CALN1: variants seen among roughly 807,000 people sequenced by gnomAD.
CALN1 encodes calcium-binding protein 8.
A neutral mutation model predicts 30.6 loss-of-function variants in CALN1; 17 were observed. The ratio of observed to expected loss-of-function variants is 0.56; its 90% confidence interval spans 0.38 to 0.83. The LOEUF (loss-of-function observed/expected upper bound fraction) is 0.83. Among genes scored for constraint, CALN1 ranks in the 40% least tolerant of loss-of-function variants. The pLI is 0.00. For synonymous variants in CALN1, 156 were observed against 131.4 expected, an observed-to-expected ratio of 1.19 and a Z score of -1.28; for missense variants, 291 against 354.9, an observed-to-expected ratio of 0.82 and a Z score of 1.45.
chr7:71,973,253 G>A (rs1233917845), intron 5 of CALN1, among the ~76,000 whole-genome samples: 1 of 151,838 alleles, frequency 6.6e-6, no homozygotes, highest in Non-Finnish European at 1.5e-5. Context: ...TCGGCTCACT[G>A]CAACCTCTGC....
intron 5 of CALN1, among the ~76,000 whole-genome samples, chr7:71,856,220 T>C (rs546592671): frequency 2.0e-5 from 3 of 151,660 alleles, no homozygotes; most frequent in Non-Finnish European, 4.4e-5. Flanking sequence ...TTTATAAATA[T>C]ACATATACAT....
intron 3 of CALN1, among the ~76,000 whole-genome samples, chr7:72,140,325 A>C (rs2129543405): frequency 8.2e-6 from 1 of 121,658 alleles, no homozygotes; most frequent in Admixed American, 9.0e-5. Context: ...GGAACAGAGA[A>C]AGGGAGAAGG....
At chr7:72,087,943 A>G (rs879290932) in intron 4 of CALN1, among the ~76,000 whole-genome samples, 1 of 152,178 alleles carries the variant, frequency 6.6e-6, no homozygotes, top group Non-Finnish European at 1.5e-5. Context: ...CAGGAGGATC[A>G]CTTGAAACCA....
intron 5 of CALN1, among the ~76,000 whole-genome samples, chr7:71,994,373 A>G (rs1223385928): frequency 6.6e-6 from 1 of 152,000 alleles, no homozygotes; most frequent in East Asian, 1.9e-4. Flanking sequence ...TTAGCTGGGC[A>G]TGGTGGTGGG....
At chr7:72,405,179 C>CA (rs1408154541) in intron 1 of CALN1, among the ~76,000 whole-genome samples, 1 of 152,178 alleles carries the variant, frequency 6.6e-6, no homozygotes, top group East Asian at 1.9e-4. Context: ...GTTGGGATCT[C>CA]AAAGACACCT....
At position 71,809,832 on chromosome 7, in the gene CALN1, CT is replaced by C. The variant is rs963507789; in HGVS notation, c.658+503del. Among the ~76,000 whole-genome samples the C allele has an allele frequency of 4.0e-3, 585 of 145,136 alleles. 4 individuals carry two copies. Among genetic ancestry groups the C allele is most frequent in the African/African-American group, 0.013 (518 of 39,596 alleles). On this transcript the variant is annotated intron_variant, in intron 6 of 6. Transcript: ENST00000395275. ...AGAGGACTCTGTCCCTTTTTTTTTT[CT>C]TTTTTTTGGCCAGTGCATTTGGGAA...
At chr7:71,814,401 G>C (rs992610229) in intron 5 of CALN1, among the ~76,000 whole-genome samples, 1 of 152,184 alleles carries the variant, frequency 6.6e-6, no homozygotes, top group Non-Finnish European at 1.5e-5. Flanking sequence ...TCTAGAGCTT[G>C]AGTCTGGTGT....
chr7:71,836,816 C>T (rs1444767261), intron 5 of CALN1, among the ~76,000 whole-genome samples: 14 of 151,704 alleles, frequency 9.2e-5, no homozygotes. Flanking sequence ...TGGGGTTTCA[C>T]TATGTTGGCC....
At chr7:72,419,972 A>G (rs990697222) in intron 1 of CALN1, among the ~76,000 whole-genome samples, 1 of 152,000 alleles carries the variant, frequency 6.6e-6, no homozygotes, top group Non-Finnish European at 1.5e-5. Flanking sequence ...CCTTTCACAC[A>G]GTTCATGTGA....
intron 6 of CALN1, among the ~76,000 whole-genome samples, chr7:71,801,426 A>ATC: frequency 7.0e-6 from 1 of 143,332 alleles, no homozygotes; most frequent in Non-Finnish European, 1.5e-5. Flanking sequence ...GTATGTATGT[A>ATC]TGTATCTATC....
intron 3 of CALN1, among the ~76,000 whole-genome samples, chr7:72,277,589 T>C (rs748254956): frequency 1.1e-4 from 17 of 152,146 alleles, no homozygotes; most frequent in Non-Finnish European, 2.2e-4. Context: ...TGCTCATTCA[T>C]GTAAATAAGC....
chr7:72,400,698 C>T (rs1228102229), intron 2 of CALN1, among the ~76,000 whole-genome samples: 1 of 152,128 alleles, frequency 6.6e-6, no homozygotes, highest in Non-Finnish European at 1.5e-5. Flanking sequence ...GGTGAAACCC[C>T]GTCTCCACGA....
intron 5 of CALN1, among the ~76,000 whole-genome samples, chr7:71,920,499 CT>C (rs1794889820): frequency 6.6e-6 from 1 of 151,874 alleles, no homozygotes; most frequent in Non-Finnish European, 1.5e-5. Flanking sequence ...CCACGCCCAG[CT>C]GATTTTTTGT....
At position 72,268,330 on chromosome 7, in the gene CALN1, C is replaced by CA. The variant is rs199539050; in HGVS notation, c.244+10355dup. Among the ~76,000 whole-genome samples, 222 of 149,034 alleles carry CA rather than the reference C, an allele frequency of 1.5e-3. 1 individual carries two copies. Among genetic ancestry groups the CA allele is most frequent in the African/African-American group, 5.0e-3 (202 of 40,586 alleles). The stretch of plus-strand genomic sequence containing the variant: ...AGGGTAAGCAGGGAGTTGAAGCAGA[C>CA]AAAAAAAAAGAAGGGATTCAGCCAC... On this transcript the variant is annotated intron_variant, in intron 3 of 6. Transcript: ENST00000395275.
chr7:72,325,390 C>G (rs1006317071), intron 2 of CALN1, among the ~76,000 whole-genome samples: 18 of 152,092 alleles, frequency 1.2e-4, no homozygotes, highest in Non-Finnish European at 5.9e-5. Flanking sequence ...CACCTGAGGT[C>G]AAGAGTTCGA....
At chr7:71,966,729 C>G (rs1797546620) in intron 5 of CALN1, among the ~76,000 whole-genome samples, 2 of 152,184 alleles carry the variant, frequency 1.3e-5, no homozygotes. Flanking sequence ...TACAGCAATA[C>G]AAGAACAGAC....
At chr7:72,325,771 C>G (rs796505142) in intron 2 of CALN1, among the ~76,000 whole-genome samples, 12 of 152,238 alleles carry the variant, frequency 7.9e-5, no homozygotes, top group African/African-American at 2.6e-4. Context: ...TATTGGTGAC[C>G]TGCTCCCACC....
intron 2 of CALN1, among the ~76,000 whole-genome samples, chr7:72,338,185 AAG>A (rs1417233124): frequency 2.6e-5 from 4 of 152,092 alleles, no homozygotes; most frequent in Non-Finnish European, 5.9e-5. Context: ...CCAATAAAGA[AAG>A]AGCAACAAAC....
chr7:72,235,686 CT>C lies in CALN1; in HGVS notation c.244+42999del, dbSNP rs545961249. ...TCCAGCATCCCCCACCCCCGCCCCC[CT>C]AACCTTGGACTCCATGACATCTCTC... On this transcript the variant is annotated intron_variant, in intron 3 of 6. Coordinates refer to ENST00000395275, the MANE Select transcript of CALN1 (RefSeq NM_031468.4). Among the ~76,000 whole-genome samples, 501 of 149,908 alleles carry C rather than the reference CT, an allele frequency of 3.3e-3. 1 individual carries two copies. The highest frequency in any genetic ancestry group is 6.8e-3 in the Middle Eastern group (2 of 292).
Sources: allele counts gnomAD v4.1 joint callset (sites outside exome capture counted in the v4.1 genomes callset), GRCh38; gene constraint gnomAD v4.1.1; transcripts MANE v1.5; gene names NCBI Gene and HGNC (gene_info 2026-07-23, HGNC 2026-07-21).